Variants in VIT observed in about 807,000 individuals in gnomAD.
VIT encodes vitrin.
VIT carries 99 observed loss-of-function variants against 78.0 expected under a neutral mutation model. The ratio of observed to expected loss-of-function variants is 1.27; its 90% CI spans 1.08 to 1.50. VIT has a LOEUF of 1.50. VIT is among the 40% of genes most tolerant of loss of function. The pLI, the probability that VIT is intolerant of heterozygous loss-of-function variation, is 0.00. For synonymous variants in VIT, 374 were observed against 334.3 expected (o/e 1.12, Z -1.29); for missense variants, 1,126 against 875.3 (o/e 1.29, Z -3.61).
intron 4 of VIT, among the ~76,000 whole-genome samples, chr2:36,749,062 A>G (rs895673014): frequency 1.3e-5 from 2 of 152,196 alleles, no homozygotes; most frequent in African/African-American, 4.8e-5. Flanking sequence ...GCACTCCATA[A>G]AAAAGGACAA....
intron 2 of VIT, among the ~76,000 whole-genome samples, chr2:36,724,159 C>T (rs1191716640): frequency 6.6e-6 from 1 of 151,992 alleles, no homozygotes; most frequent in African/African-American, 2.4e-5. Context: ...GCTGGGATTA[C>T]AGGCGCCAGC....
At chr2:36,782,262 C>T (rs987549673) in intron 10 of VIT, among the ~76,000 whole-genome samples, 2 of 152,190 alleles carry the variant, frequency 1.3e-5, no homozygotes, top group Admixed American at 6.5e-5. Flanking sequence ...AAGGAGAGGA[C>T]TCCGCCTCTG....
intron 6 of VIT, among the ~76,000 whole-genome samples, chr2:36,759,920 C>G (rs1669002483): frequency 6.6e-6 from 1 of 152,160 alleles, no homozygotes; most frequent in Non-Finnish European, 1.5e-5. Context: ...AAATGAAGCA[C>G]AGAGAAGTTA....
chr2:36,734,149 C>T (rs1667368991), intron 3 of VIT, among the ~76,000 whole-genome samples: 1 of 152,098 alleles, frequency 6.6e-6, no homozygotes, highest in Non-Finnish European at 1.5e-5. Flanking sequence ...AACCAGCTCT[C>T]CAGGTGATTT....
At chr2:36,803,870 A>C (rs1280172940) in intron 13 of VIT, among the ~76,000 whole-genome samples, 1 of 152,182 alleles carries the variant, frequency 6.6e-6, no homozygotes, top group African/African-American at 2.4e-5. Flanking sequence ...CTATCCAGAC[A>C]GATACTTATA....
chr2:36,780,840 A>G (rs1290968368), intron 9 of VIT, among the ~76,000 whole-genome samples: 1 of 152,108 alleles, frequency 6.6e-6, no homozygotes, highest in African/African-American at 2.4e-5. Flanking sequence ...GAGGGGAGAC[A>G]TGGAAAAGAG....
At chr2:36,741,943 T>G (rs1458121351) in intron 3 of VIT, among the ~76,000 whole-genome samples, 1 of 152,170 alleles carries the variant, frequency 6.6e-6, no homozygotes, top group African/African-American at 2.4e-5. Context: ...ACAATCCTAC[T>G]TGTGAAGATA....
intron 12 of VIT, among the ~76,000 whole-genome samples, chr2:36,798,829 G>A (rs1187912399): frequency 6.6e-6 from 1 of 152,078 alleles, no homozygotes; most frequent in Non-Finnish European, 1.5e-5. Flanking sequence ...GAAGAATACA[G>A]AGTGAAAGCC....
In VIT at chr2:36,806,809, C is replaced by T. The variant is rs144475783; in HGVS notation, c.1389+1145C>T. 5.1e-3 allele frequency among the ~76,000 whole-genome samples: 776 copies of T among 152,234 alleles called. 8 individuals are homozygous for T. Among genetic ancestry groups the T allele is most frequent in the African/African-American group, 0.018 (739 of 41,548 alleles). On this transcript the variant is annotated intron_variant, in intron 14 of 15. Coordinates refer to ENST00000379242, the MANE Select transcript of VIT (RefSeq NM_053276.4). ...CGATCTCCTGACCTCTTGATCCTCC[C>T]GCTTCAGCCTCCCAAAGTGCTGGGA... is the stretch of plus-strand genomic sequence containing the variant.
intron 4 of VIT, among the ~76,000 whole-genome samples, chr2:36,744,935 T>C (rs1668047950): frequency 6.6e-6 from 1 of 152,184 alleles, no homozygotes; most frequent in African/African-American, 2.4e-5. Context: ...CTTCTAGGAT[T>C]TTTATAGTTT....
chr2:36,741,531 G>A (rs1667834944), intron 3 of VIT, among the ~76,000 whole-genome samples: 2 of 152,110 alleles, frequency 1.3e-5, no homozygotes, highest in African/African-American at 2.4e-5. Context: ...TCTCTCTCCA[G>A]CCTGAATGAA....
intron 6 of VIT, among the ~76,000 whole-genome samples, chr2:36,761,919 T>G (rs950740891): frequency 3.9e-5 from 6 of 152,008 alleles, no homozygotes; most frequent in African/African-American, 1.5e-4. Flanking sequence ...TCTTCCCTTT[T>G]CAGATAAGGA....
intron 8 of VIT, chr2:36,774,707 A>G: frequency 1.0e-6 from 1 of 985,408 alleles, no homozygotes; most frequent in Non-Finnish European, 1.2e-6. Flanking sequence ...TGTCCTGGAC[A>G]AAAAGGCTTG....
intron 2 of VIT, among the ~76,000 whole-genome samples, chr2:36,722,065 C>T (rs1172648475): frequency 6.6e-6 from 1 of 152,160 alleles, no homozygotes; most frequent in South Asian, 2.1e-4. Context: ...TTTAAGGTAT[C>T]GGAGCCATCC....
chr2:36,764,708 C>T (rs770796284), intron 6 of VIT, among the ~76,000 whole-genome samples: 60 of 152,102 alleles, frequency 3.9e-4, no homozygotes, highest in Non-Finnish European at 8.1e-4. Flanking sequence ...GTTTGCTGAC[C>T]TGCTGTCTTA....
At chr2:36,701,165 G>C (rs748641412) in intron 1 of VIT, among the ~76,000 whole-genome samples, 1 of 152,082 alleles carries the variant, frequency 6.6e-6, no homozygotes, top group Non-Finnish European at 1.5e-5. Flanking sequence ...GTGGAGAGGC[G>C]TGGAGGCAAG....
chr2:36,811,126 A>C (rs568418056), intron 15 of VIT, among the ~76,000 whole-genome samples: 1 of 152,190 alleles, frequency 6.6e-6, no homozygotes, highest in East Asian at 1.9e-4. Flanking sequence ...GCACCCTCAT[A>C]ATGGTGGGAT....
At chr2:36,792,679 C>G (rs1320981448) in intron 12 of VIT, among the ~76,000 whole-genome samples, 1 of 152,064 alleles carries the variant, frequency 6.6e-6, no homozygotes, top group African/African-American at 2.4e-5. Context: ...TTAGAGTTCC[C>G]CAGCTGATTC....
chr2:36,749,829 T>C (rs1436896907), intron 4 of VIT, among the ~76,000 whole-genome samples: 2 of 152,234 alleles, frequency 1.3e-5, no homozygotes. Context: ...GGTTGATTGT[T>C]CAGTTGTACC....
Sources: allele counts gnomAD v4.1 joint callset (sites outside exome capture counted in the v4.1 genomes callset), GRCh38; gene constraint gnomAD v4.1.1; transcripts MANE v1.5; gene names NCBI Gene and HGNC (gene_info 2026-07-23, HGNC 2026-07-21).